The following LTBP2 variants were observed in gnomAD, a reference collection of about 807,000 sequenced individuals.
The protein encoded by LTBP2 is latent transforming growth factor beta binding protein 2.
In LTBP2, 103 loss-of-function variants were observed where a neutral mutation model predicts 210.6. That is an observed-to-expected ratio of 0.49 (90% CI 0.42 to 0.58). The LOEUF is 0.58. Ranked by LOEUF, LTBP2 falls within the 20% of genes least tolerant of loss-of-function variation. The pLI, the probability that LTBP2 is intolerant of heterozygous loss-of-function variation, is 0.00. For missense variants in LTBP2, 2,313 were observed against 2,494.5 expected (o/e 0.93, Z 1.55); for synonymous variants, 1,007 against 1,015.0 (o/e 0.99, Z 0.15).
At chr14:74,522,248 C>T (rs1317354305) in intron 16 of LTBP2, among the ~76,000 whole-genome samples, 2 of 152,156 alleles carry the variant, frequency 1.3e-5, no homozygotes, top group African/African-American at 2.4e-5. Flanking sequence ...AGAAGCCTGG[C>T]GTGACTGCCA....
rs151137104 is a variant in LTBP2, at chr14:74,543,652, T to G, written c.1789+6211A>C. ...ATTTGGGCAGGTTACACAACCTCTT[T>G]GAGGCTGGGTCTTCTTATCAGTAAA... On this transcript the variant is annotated intron_variant, in intron 8 of 35. Coordinates refer to ENST00000261978, the MANE Select transcript of LTBP2 (RefSeq NM_000428.3). Among the ~76,000 whole-genome samples, 605 of 152,190 alleles carry G rather than the reference T, an allele frequency of 4.0e-3. 6 individuals carry two copies. Among genetic ancestry groups the G allele is most frequent in the African/African-American group, 0.014 (580 of 41,518 alleles).
At chr14:74,501,786 T>A (rs186730233) in intron 34 of LTBP2, 196 bp from the exon 35 acceptor site, 119 of 652,064 alleles carry the variant, frequency 1.8e-4, no homozygotes, top group Middle Eastern at 4.3e-4. Context: ...TATGTGTCAT[T>A]TTAGATGGGG....
intron 14 of LTBP2, 64 bp downstream of exon 14, chr14:74,526,011 C>A: frequency 6.6e-7 from 1 of 1,510,920 alleles, no homozygotes; most frequent in South Asian, 1.2e-5. Flanking sequence ...TAACTCCACT[C>A]CTGATTAAGG....
At chr14:74,533,696 C>T (rs1013982826) in intron 9 of LTBP2, among the ~76,000 whole-genome samples, 13 of 152,196 alleles carry the variant, frequency 8.5e-5, no homozygotes, top group East Asian at 1.9e-4. Context: ...CCCGGAAACC[C>T]GTGGAGGCTC....
chr14:74,533,974 G>T (rs1476562615), intron 9 of LTBP2, among the ~76,000 whole-genome samples: 1 of 152,220 alleles, frequency 6.6e-6, no homozygotes, highest in African/African-American at 2.4e-5. Context: ...GCAGAGCCAG[G>T]TCACCCACCG....
intron 1 of LTBP2, among the ~76,000 whole-genome samples, chr14:74,606,016 C>A (rs553160272): frequency 6.6e-6 from 1 of 152,238 alleles, no homozygotes; most frequent in Non-Finnish European, 1.5e-5. Flanking sequence ...ATTGTCAGTT[C>A]AGTGGGCTCT....
intron 2 of LTBP2, among the ~76,000 whole-genome samples, chr14:74,591,684 T>A (rs537725190): frequency 1.3e-5 from 2 of 152,354 alleles, no homozygotes; most frequent in African/African-American, 2.4e-5. Flanking sequence ...GATTGAAGTA[T>A]GTAGACTCCT....
At chr14:74,520,069 C>A (rs1369654608) in intron 17 of LTBP2, among the ~76,000 whole-genome samples, 1 of 152,248 alleles carries the variant, frequency 6.6e-6, no homozygotes, top group Non-Finnish European at 1.5e-5. Context: ...TTCAGCCTGG[C>A]ACTCAAGACA....
chr14:74,541,639 C>T (rs566212538), intron 8 of LTBP2, among the ~76,000 whole-genome samples: 32 of 152,150 alleles, frequency 2.1e-4, no homozygotes, highest in African/African-American at 7.7e-4. Flanking sequence ...TTGTGAAAAG[C>T]CTTAGGGGTG....
intron 2 of LTBP2, among the ~76,000 whole-genome samples, chr14:74,600,160 C>A (rs540569921): frequency 6.6e-6 from 1 of 152,328 alleles, no homozygotes; most frequent in East Asian, 1.9e-4. Context: ...CACCCCACCG[C>A]CCGCCTGCGT....
intron 8 of LTBP2, among the ~76,000 whole-genome samples, chr14:74,546,179 C>T (rs1457393982): frequency 6.6e-6 from 1 of 152,084 alleles, no homozygotes; most frequent in Non-Finnish European, 1.5e-5. Context: ...AAAGGCTTCC[C>T]CCAGAAGCAT....
At chr14:74,504,898 G>C in intron 29 of LTBP2, 37 bp from the exon 30 acceptor site, 1 of 1,612,818 alleles carries the variant, frequency 6.2e-7, no homozygotes, top group Non-Finnish European at 8.5e-7. Flanking sequence ...AGTGGGGAGG[G>C]CCCTGCCCCC....
chr14:74,603,000 G>T (rs1228800367), intron 2 of LTBP2, among the ~76,000 whole-genome samples: 3 of 152,256 alleles, frequency 2.0e-5, no homozygotes, highest in Non-Finnish European at 2.9e-5. Flanking sequence ...GAACATAGGT[G>T]CATGCAGTCT....
At chr14:74,547,531 C>T (rs1029266163) in intron 8 of LTBP2, among the ~76,000 whole-genome samples, 1 of 152,204 alleles carries the variant, frequency 6.6e-6, no homozygotes, top group Non-Finnish European at 1.5e-5. Context: ...CAGCTGAGCC[C>T]ACTCTTCCCC....
Position 74,498,595 on chromosome 14 carries a change from A to G in LTBP2, c.*2289T>C. On this transcript the variant is annotated 3_prime_UTR_variant, in exon 36 of 36. Coordinates refer to ENST00000261978, the MANE Select transcript of LTBP2 (RefSeq NM_000428.3). ...TATTTGTATTTTAAACAAAGGAAAT[A>G]TGTATATATGCATACAATATCTCAA... 4.3e-6 allele frequency: 1 copy of G among 230,498 alleles called. No individual in the cohort carries two copies. Among genetic ancestry groups the G allele is most frequent in the Non-Finnish European group, 8.6e-6 (1 of 116,312 alleles). 14.3% of individuals were successfully genotyped at this position (230,498 alleles called of 1,614,324 possible). A position where few individuals can be genotyped will look rare whatever the true frequency, so the allele number is the denominator to read the frequency against.
chr14:74,603,490 G>T (rs1426359122), intron 2 of LTBP2, 145 bp downstream of exon 2: 2 of 796,848 alleles, frequency 2.5e-6, no homozygotes, highest in East Asian at 2.5e-5. Flanking sequence ...TTAAATAGGG[G>T]CTGCATCTTC....
At chr14:74,581,529 G>A (rs2088136536) in intron 3 of LTBP2, among the ~76,000 whole-genome samples, 1 of 152,158 alleles carries the variant, frequency 6.6e-6, no homozygotes, top group African/African-American at 2.4e-5. Context: ...GATGGAGGAA[G>A]GTGGCCTCAA....
intron 8 of LTBP2, among the ~76,000 whole-genome samples, chr14:74,546,245 C>A (rs1012535116): frequency 6.6e-6 from 1 of 152,204 alleles, no homozygotes; most frequent in African/African-American, 2.4e-5. Context: ...CCACTAGTGC[C>A]AGGGATGATC....
intron 2 of LTBP2, among the ~76,000 whole-genome samples, chr14:74,591,900 C>T (rs1324681383): frequency 6.6e-6 from 1 of 152,188 alleles, no homozygotes; most frequent in African/African-American, 2.4e-5. Flanking sequence ...GTCTTTTCTA[C>T]ATTTTTGGAG....
Sources: gnomAD v4.1 joint callset for allele counts (sites outside exome capture counted in the v4.1 genomes callset) on GRCh38, gnomAD v4.1.1 for gene constraint, MANE v1.5 for transcripts, NCBI Gene and HGNC (gene_info 2026-07-23, HGNC 2026-07-21) for gene names.